Variants in KIAA0319 observed in about 807,000 individuals in gnomAD.
KIAA0319 encodes dyslexia-associated protein KIAA0319.
Under a neutral mutation model 108.4 loss-of-function variants are expected in KIAA0319, and 83 were observed. The ratio of observed to expected loss-of-function variants is 0.77; its 90% CI spans 0.64 to 0.92. The LOEUF (loss-of-function observed/expected upper bound fraction) is 0.92. Ranked by LOEUF, KIAA0319 falls within the 40% of genes least tolerant of loss-of-function variation. The pLI is 0.00. For missense variants in KIAA0319, 1,195 were observed against 1,322.4 expected (o/e 0.90, Z 1.49); for synonymous variants, 484 against 510.4 (o/e 0.95, Z 0.70).
At chr6:24,580,048 T>A in intron 7 of KIAA0319, 98 bp from the exon 8 acceptor site, 1 of 913,594 alleles carries the variant, frequency 1.1e-6, no homozygotes, top group Non-Finnish European at 1.7e-6. Flanking sequence ...ATTATACATG[T>A]CCTGTCAAGA....
chr6:24,579,401 CTCTATATAAAGATATATA>C (rs1766019591), intron 8 of KIAA0319, among the ~76,000 whole-genome samples: 1 of 111,494 alleles, frequency 9.0e-6, no homozygotes, highest in African/African-American at 4.4e-5. Flanking sequence ...ACGGGAGCTC[CTCTATATAAAGATATATA>C]TATATATATA....
At chr6:24,639,081 G>A (rs569101893) in intron 1 of KIAA0319, among the ~76,000 whole-genome samples, 7 of 152,086 alleles carry the variant, frequency 4.6e-5, no homozygotes, top group South Asian at 4.1e-4. Flanking sequence ...TTATACCTTC[G>A]TAAAGCTAGA....
At chr6:24,595,837 C>T in intron 3 of KIAA0319, 36 bp downstream of exon 3, 2 of 1,554,744 alleles carry the variant, frequency 1.3e-6, no homozygotes, top group Non-Finnish European at 1.7e-6. Flanking sequence ...CCCACTCAGC[C>T]CATCCCACCC....
intron 4 of KIAA0319, among the ~76,000 whole-genome samples, chr6:24,585,244 A>T (rs1190646284): frequency 1.3e-5 from 2 of 152,082 alleles, no homozygotes; most frequent in Non-Finnish European, 2.9e-5. Context: ...CGGGACCCCC[A>T]AATCACTAAG....
At chr6:24,561,737 G>A (rs905428951) in intron 16 of KIAA0319, among the ~76,000 whole-genome samples, 11 of 151,214 alleles carry the variant, frequency 7.3e-5, no homozygotes, top group African/African-American at 2.2e-4. Context: ...ATGGAGTCTC[G>A]CTCTGTCACC....
At position 24,599,889 on chromosome 6, in the gene KIAA0319, A is replaced by G; in HGVS notation, c.55+1160T>C. The G allele has an allele frequency of 3.0e-6, 1 of 336,702 alleles. No homozygotes were observed. The highest frequency in any genetic ancestry group is 5.6e-6 in the Non-Finnish European group (1 of 177,980). The allele number at this position is 336,702 out of a possible 1,614,324, so 20.9% of individuals were successfully genotyped here. A position where few individuals can be genotyped will look rare whatever the true frequency, so the allele number is the denominator to read the frequency against. On this transcript the variant is annotated intron_variant, in intron 2 of 20. Coordinates refer to ENST00000378214, the MANE Select transcript of KIAA0319 (RefSeq NM_014809.4). The surrounding 1 kb of genome is among the most constrained non-coding windows in gnomAD (Gnocchi z 4.1). ...GGGGAGCATAGGGAACAGGAGACCC[A>G]CCTGAGGCTCAGCGCTCGCCCTCAG...
rs1004809003 is a variant in KIAA0319, at chr6:24,545,096, A to T, written c.*2069T>A. 1 of 152,198 alleles carries T rather than the reference A, an allele frequency of 6.6e-6. No individual in the cohort carries two copies. Among genetic ancestry groups the T allele is most frequent in the African/African-American group, 2.4e-5 (1 of 41,448 alleles). 9.4% of individuals were successfully genotyped at this position (152,198 alleles called of 1,614,324 possible). A position where few individuals can be genotyped will look rare whatever the true frequency, so the allele number is the denominator to read the frequency against. ...AAAAGAAATTCCTCTTAGTCCTGGG[A>T]ATAGAACTTTCAGGTGGCCCAAAAG... On this transcript the variant is annotated 3_prime_UTR_variant, in exon 21 of 21. Transcript: ENST00000378214.
chr6:24,601,331 A>G (rs1411044348), intron 1 of KIAA0319, 123 bp from the exon 2 acceptor site: 2 of 1,344,410 alleles, frequency 1.5e-6, no homozygotes, highest in Non-Finnish European at 1.9e-6. Flanking sequence ...TCACAGAGCC[A>G]CAACCCAGGC....
chr6:24,547,216 A>G lies in KIAA0319; in HGVS notation c.3168T>C (p.Asn1056=), dbSNP rs773066531. 21 of 1,614,066 alleles carry G rather than the reference A, an allele frequency of 1.3e-5. No homozygotes were observed. The East Asian group carries it at 4.7e-4, about 36-fold the overall frequency. ...AGGAAGCTCCATTTCTGATGGAACC[A>G]TTCATGGAAACCTTTGGATTCCCTC... ...MERGNPKVSM[N]GSIRNGASFS... is the part of the protein sequence containing the mutation. Residue 1056 remains asparagine, a synonymous_variant, in exon 21 of 21, where the codon AAT becomes AAC. Transcript: ENST00000378214.
In KIAA0319 at chr6:24,569,781, C is replaced by T. The variant is rs990885502; in HGVS notation, c.1991+122G>A. ...AATAACGCCCAGCCACTTCTAGAAA[C>T]GTGCTTAAATCCCGACTCCTCAAAA... On this transcript the variant is annotated intron_variant, in intron 12 of 20. Coordinates refer to ENST00000378214, the MANE Select transcript of KIAA0319 (RefSeq NM_014809.4). 161 of 1,145,322 alleles carry T rather than the reference C, an allele frequency of 1.4e-4. 1 individual carries two copies. In the South Asian group the frequency reaches 1.9e-3, roughly 14 times the overall value. 70.9% of individuals were successfully genotyped at this position (1,145,322 alleles called of 1,614,324 possible). A position where few individuals can be genotyped will look rare whatever the true frequency, so the allele number is the denominator to read the frequency against.
chr6:24,608,930 CAAAAAAAAAA>C (rs57120652), intron 1 of KIAA0319, among the ~76,000 whole-genome samples: 17 of 30,112 alleles, frequency 5.6e-4, no homozygotes, highest in Admixed American at 7.2e-4. Flanking sequence ...GACTCCGTCT[CAAAAAAAAAA>C]AAAAAAAAAA....
At chr6:24,581,441 G>GTCAA (rs771218882) in intron 6 of KIAA0319, among the ~76,000 whole-genome samples, 1 of 152,164 alleles carries the variant, frequency 6.6e-6, no homozygotes, top group Non-Finnish European at 1.5e-5. Flanking sequence ...AGGAGATGAA[G>GTCAA]TCAACATAAT....
chr6:24,541,341 T>C (rs1406773954), downstream of KIAA0319, among the ~76,000 whole-genome samples: 1 of 151,886 alleles, frequency 6.6e-6, no homozygotes, highest in African/African-American at 2.4e-5. Flanking sequence ...TCCTAATCTC[T>C]TCTTCTAATA....
At chr6:24,630,232 G>T (rs1239608821) in intron 1 of KIAA0319, among the ~76,000 whole-genome samples, 5 of 151,730 alleles carry the variant, frequency 3.3e-5, no homozygotes, top group Admixed American at 1.3e-4. Flanking sequence ...AAAATTGCTG[G>T]GTGCAGTGGC....
intron 1 of KIAA0319, among the ~76,000 whole-genome samples, chr6:24,631,559 C>T (rs796189030): frequency 2.3e-4 from 35 of 152,288 alleles, no homozygotes; most frequent in African/African-American, 8.2e-4. Flanking sequence ...CAACATAACA[C>T]CACAGTTTTT....
At chr6:24,587,075 AT>A (rs1356520822) in intron 4 of KIAA0319, among the ~76,000 whole-genome samples, 1 of 151,866 alleles carries the variant, frequency 6.6e-6, no homozygotes, top group African/African-American at 2.4e-5. Context: ...TGCTCATCTA[AT>A]TTTAGTTCTG....
Position 24,605,178 on chromosome 6 carries a change from G to T in KIAA0319, c.-105-3970C>A, listed in dbSNP as rs934037450. ...TTAAATACATAGTTAGTACTTTATG[G>T]ATTAAATAATCCTTCACCTATATTA... On this transcript the variant is annotated intron_variant, in intron 1 of 20. Transcript: ENST00000378214. Among the ~76,000 whole-genome samples the T allele has an allele frequency of 2.0e-5, 3 of 152,202 alleles. No individual in the cohort carries two copies. In the East Asian group the frequency reaches 5.8e-4, roughly 29 times the overall value.
At chr6:24,568,395 TTCACTA>T (rs1302853395) in intron 13 of KIAA0319, among the ~76,000 whole-genome samples, 7 of 152,310 alleles carry the variant, frequency 4.6e-5, no homozygotes, top group African/African-American at 1.4e-4. Context: ...TAAAGCAGTA[TTCACTA>T]GTCTAGACCA....
In KIAA0319 at chr6:24,565,852, G is replaced by A. The variant is rs923574364; in HGVS notation, c.2292+745C>T. ...ATTTCGCCTTCTGCATCTATAAAAC[G>A]TAAATAGCAATCCGTGATCTATTGA... On this transcript the variant is annotated intron_variant, in intron 14 of 20. Coordinates refer to ENST00000378214, the MANE Select transcript of KIAA0319 (RefSeq NM_014809.4). 2.6e-5 allele frequency among the ~76,000 whole-genome samples: 4 copies of A among 151,416 alleles called. No homozygotes were observed. The East Asian group carries it at 5.8e-4, about 22-fold the overall frequency.
Sources: allele counts gnomAD v4.1 joint callset (sites outside exome capture counted in the v4.1 genomes callset), GRCh38; gene constraint gnomAD v4.1.1; non-coding constraint Gnocchi (gnomAD v3.1); transcripts MANE v1.5; gene names NCBI Gene and HGNC (gene_info 2026-07-23, HGNC 2026-07-21).